Variants in TFAP2A observed in about 807,000 individuals in gnomAD.
TFAP2A encodes transcription factor AP-2 alpha.
Under a neutral mutation model 41.5 loss-of-function variants are expected in TFAP2A, and 7 were observed. That is an observed-to-expected ratio of 0.17 (90% CI 0.10 to 0.32). The LOEUF (loss-of-function observed/expected upper bound fraction) is 0.32. Ranked by LOEUF, TFAP2A falls within the 10% of genes least tolerant of loss-of-function variation. TFAP2A has a pLI of 1.00. For synonymous variants in TFAP2A, 247 were observed against 242.8 expected (o/e 1.02, Z -0.16); for missense variants, 416 against 563.3 (o/e 0.74, Z 2.65).
intron 2 of TFAP2A, chr6:10,407,499 T>C (rs1757775151): frequency 6.7e-6 from 1 of 149,470 alleles, no homozygotes; most frequent in Non-Finnish European, 1.5e-5. Context: ...CTTTTTCTTT[T>C]CTTTTTTTTT....
intron 3 of TFAP2A, chr6:10,406,393 C>T (rs2114020363): frequency 4.7e-6 from 1 of 214,294 alleles, no homozygotes; most frequent in Non-Finnish European, 9.4e-6. Context: ...AAGAGTGCTT[C>T]TTATCATCTG....
upstream of TFAP2A, among the ~76,000 whole-genome samples, chr6:10,417,675 C>T (rs998021276): frequency 6.6e-6 from 1 of 152,260 alleles, no homozygotes; most frequent in East Asian, 1.9e-4. Context: ...GGGGCCAGAA[C>T]GACTCTCTTT....
At chr6:10,411,554 T>C (rs981510732) in intron 1 of TFAP2A, 7 of 1,593,032 alleles carry the variant, frequency 4.4e-6, no homozygotes, top group Non-Finnish European at 5.1e-6. Flanking sequence ...GCAACGGGGG[T>C]GGGGATGGGA....
chr6:10,419,395 C>T (rs1344963749), upstream of TFAP2A: 2 of 1,613,712 alleles, frequency 1.2e-6, no homozygotes, highest in Non-Finnish European at 1.7e-6. Context: ...ACCTCAACCC[C>T]AGCCAAGGCA....
In TFAP2A at chr6:10,400,498, A is replaced by G; in HGVS notation, c.981T>C (p.His327=). 1 of 1,614,158 alleles carries G rather than the reference A, an allele frequency of 6.2e-7. No homozygotes were observed. Among genetic ancestry groups the G allele is most frequent in the Non-Finnish European group, 8.5e-7 (1 of 1,180,030 alleles). The part of the protein sequence containing the change: ...KAVAEFLNRQ[H]SDPNEQVTRK... ...TTGTCACTTGCTCATTGGGATCGGA[A>G]TGTTGTCGGTTGAGAAATTCAGCTA... The change falls in exon 6 of 7, where the codon CAT becomes CAC. Residue 327 remains histidine, a synonymous_variant. Coordinates refer to ENST00000379613, the MANE Select transcript of TFAP2A (RefSeq NM_001372066.1).
chr6:10,419,167 C>A (rs962468962), upstream of TFAP2A, among the ~76,000 whole-genome samples: 12 of 152,198 alleles, frequency 7.9e-5, no homozygotes, highest in African/African-American at 2.4e-4. Context: ...ACCTGTGGAG[C>A]GTGCGCCGGA....
intron 1 of TFAP2A, chr6:10,414,588 C>A: frequency 2.1e-6 from 1 of 465,172 alleles, no homozygotes; most frequent in East Asian, 4.2e-5. Flanking sequence ...GGCCCTCAAT[C>A]TCGATGAAGA....
chr6:10,414,840 C>A (rs1211670280), intron 1 of TFAP2A, 101 bp downstream of exon 1: 3 of 1,522,088 alleles, frequency 2.0e-6, no homozygotes, highest in Admixed American at 1.7e-5. Flanking sequence ...AAGTTTGTCC[C>A]ACCCGCGTTT....
chr6:10,406,510 C>T, intron 3 of TFAP2A: 1 of 480,700 alleles, frequency 2.1e-6, no homozygotes, highest in Non-Finnish European at 3.8e-6. Context: ...ATTGAAATGC[C>T]ACTTCCAAAT....
intron 1 of TFAP2A, chr6:10,410,728 ATTGT>A (rs1281965338): frequency 4.7e-6 from 1 of 213,476 alleles, no homozygotes; most frequent in Admixed American, 5.1e-5. Context: ...CCACTGCGTT[ATTGT>A]TTATTCTCTT....
In TFAP2A at chr6:10,398,274, G is replaced by GGGCAGC. The variant is rs1013473016; in HGVS notation, c.*137_*142dup. 150 of 1,566,342 alleles carry GGGCAGC rather than the reference G, an allele frequency of 9.6e-5. No homozygotes were observed. The highest frequency in any genetic ancestry group is 1.2e-4 in the Non-Finnish European group (143 of 1,160,900). ...GTCCCGGAGACTCGGGGGGACCCAA[G>GGGCAGC]GGCAGCGGCGGCGGCGGCGGCGGCA... On this transcript the variant is annotated 3_prime_UTR_variant, in exon 7 of 7. Coordinates refer to ENST00000379613, the MANE Select transcript of TFAP2A (RefSeq NM_001372066.1). This position sits in a 1 kb window ranked among gnomAD's most constrained non-coding sequence, Gnocchi z 5.3.
upstream of TFAP2A, among the ~76,000 whole-genome samples, chr6:10,416,618 C>T (rs1758254375): frequency 6.6e-6 from 1 of 152,188 alleles, no homozygotes; most frequent in East Asian, 1.9e-4. Context: ...TTTGATTCAT[C>T]TGGGCTTGTT....
chr6:10,419,330 G>A (rs368545391), upstream of TFAP2A: 4 of 1,512,296 alleles, frequency 2.6e-6, no homozygotes, highest in East Asian at 4.6e-5. Context: ...CCTGGGCCAC[G>A]GCGCTTCCTC....
At chr6:10,402,918 G>GTA (rs1182843261) in intron 4 of TFAP2A, among the ~76,000 whole-genome samples, 1 of 152,220 alleles carries the variant, frequency 6.6e-6, no homozygotes, top group African/African-American at 2.4e-5. Context: ...AGGGTTTGAG[G>GTA]TATTGAGTTC....
chr6:10,411,657 G>A (rs903311603), intron 1 of TFAP2A: 49 of 1,611,248 alleles, frequency 3.0e-5, no homozygotes, highest in Admixed American at 8.4e-5. Flanking sequence ...TGGAGCGCCC[G>A]GCTGCCCCGC....
intron 1 of TFAP2A, among the ~76,000 whole-genome samples, chr6:10,411,373 G>A (rs1458808682): frequency 6.6e-6 from 1 of 152,026 alleles, no homozygotes; most frequent in Non-Finnish European, 1.5e-5. Flanking sequence ...CGGGGGCTGG[G>A]GTAGGGGGTA....
rs1761895124 is a variant in TFAP2A, at chr6:10,398,766, C to T, written c.1032-61G>A. ...GCTCCACTATGGGCAGCACTAGCAG[C>T]AAAGAGAAAACCTCCCTCCCTGCAG... On this transcript the variant is annotated intron_variant, in intron 6 of 6. Coordinates refer to ENST00000379613, the MANE Select transcript of TFAP2A (RefSeq NM_001372066.1). This position sits in a 1 kb window ranked among gnomAD's most constrained non-coding sequence, Gnocchi z 5.3. 2 of 1,586,516 alleles carry T rather than the reference C, an allele frequency of 1.3e-6. No homozygotes were observed. Among genetic ancestry groups the T allele is most frequent in the African/African-American group, 2.7e-5 (2 of 74,272 alleles).
At chr6:10,415,137 GAGGAGGAGGGCA>G, upstream of TFAP2A, 1 of 1,558,176 alleles carries the variant, frequency 6.4e-7, no homozygotes, top group Non-Finnish European at 8.7e-7. Context: ...GGAGGAGGGA[GAGGAGGAGGGCA>G]AGGAGGAGGA....
rs187633284 is a variant in TFAP2A at position 10,403,967 on chromosome 6, T to C, written c.770+541A>G. Among the ~76,000 whole-genome samples the C allele has an allele frequency of 2.2e-4, 34 of 152,324 alleles. No homozygotes were observed. The East Asian group carries it at 6.2e-3, about 28-fold the overall frequency. ...TGGAGATGACAGCGACCGGAAAGCA[T>C]GGCGTGCGGACTCAAGAGGACAACC... On this transcript the variant is annotated intron_variant, in intron 4 of 6. Transcript: ENST00000379613.
Sources: gnomAD v4.1 joint callset for allele counts (sites outside exome capture counted in the v4.1 genomes callset) on GRCh38, gnomAD v4.1.1 for gene constraint, Gnocchi (gnomAD v3.1) non-coding constraint, MANE v1.5 for transcripts, NCBI Gene and HGNC (gene_info 2026-07-23, HGNC 2026-07-21) for gene names.